SLC8A2: variants seen among roughly 807,000 people sequenced by gnomAD.
The protein encoded by SLC8A2 is sodium/calcium exchanger 2.
A neutral mutation model predicts 70.2 loss-of-function variants in SLC8A2; 14 were observed. The ratio of observed to expected loss-of-function variants is 0.20; its 90% CI spans 0.13 to 0.31. The LOEUF (loss-of-function observed/expected upper bound fraction) is 0.31, where lower values mean the gene tolerates loss of function less well. Ranked by LOEUF, SLC8A2 falls within the 10% of genes least tolerant of loss-of-function variation. The probability of loss-of-function intolerance (pLI) is 1.00; values close to 1 mark genes in which losing one functional copy is unlikely to be tolerated. For missense variants in SLC8A2, 779 were observed against 1,320.1 expected (o/e 0.59, Z 6.35); for synonymous variants, 575 against 594.3 (o/e 0.97, Z 0.47).
intron 6 of SLC8A2, 41 bp downstream of exon 6, chr19:47,441,128 T>C (rs200967347): frequency 1.3e-6 from 2 of 1,599,428 alleles, no homozygotes; most frequent in South Asian, 1.1e-5. Flanking sequence ...CCTCTTCCAG[T>C]GGCTCCTCCC....
intron 3 of SLC8A2, among the ~76,000 whole-genome samples, chr19:47,454,953 G>A (rs904198588): frequency 1.1e-4 from 16 of 152,026 alleles, no homozygotes; most frequent in African/African-American, 3.9e-4. Flanking sequence ...TGGGTGTGGT[G>A]GTGGGCACCT....
At chr19:47,459,737 A>G (rs1005606485) in intron 2 of SLC8A2, among the ~76,000 whole-genome samples, 5 of 140,246 alleles carry the variant, frequency 3.6e-5, no homozygotes, top group African/African-American at 8.1e-5. Context: ...CTGTGTGTGT[A>G]TGTGTACGTG....
chr19:47,430,362 G>A lies in SLC8A2; in HGVS notation c.2493C>T (p.Gly831=), dbSNP rs759042172. The change falls in exon 10 of 10, where the codon GGC becomes GGT. Residue 831 remains glycine (G), a synonymous_variant. Coordinates refer to ENST00000236877, the MANE Select transcript of SLC8A2 (RefSeq NM_015063.3). The surrounding 1 kb of genome is among the most constrained non-coding windows in gnomAD (Gnocchi z 5.9). ...ACACGGCGGCCACAGACCAGGCGAC[G>A]CCCAGGCCAAGGAACACGTTCACCG... ...SNAVNVFLGL[G]VAWSVAAVYW... The A allele has an allele frequency of 1.2e-5, 20 of 1,611,790 alleles. No individual in the cohort carries two copies. Among genetic ancestry groups the A allele is most frequent in the Non-Finnish European group, 1.7e-5 (20 of 1,179,418 alleles).
intron 1 of SLC8A2, among the ~76,000 whole-genome samples, chr19:47,469,705 T>C (rs1967509349): frequency 6.6e-6 from 1 of 152,232 alleles, no homozygotes; most frequent in Non-Finnish European, 1.5e-5. Context: ...CCTCTGCTCC[T>C]GGCTCCTGCC....
At chr19:47,438,415 A>G (rs965669143) in intron 6 of SLC8A2, among the ~76,000 whole-genome samples, 6 of 152,114 alleles carry the variant, frequency 3.9e-5, no homozygotes, top group Non-Finnish European at 5.9e-5. Flanking sequence ...CATTATCATC[A>G]TCGTTGCCAC....
intron 4 of SLC8A2, among the ~76,000 whole-genome samples, chr19:47,444,370 G>A (rs1408839349): frequency 1.3e-5 from 2 of 152,190 alleles, no homozygotes; most frequent in African/African-American, 4.8e-5. Context: ...AAGGACAGGC[G>A]CACACAAGAC....
At chr19:47,435,898 C>T (rs1967023013) in intron 8 of SLC8A2, among the ~76,000 whole-genome samples, 1 of 152,148 alleles carries the variant, frequency 6.6e-6, no homozygotes, top group Non-Finnish European at 1.5e-5. Flanking sequence ...ACTTTCCTCC[C>T]ACAAGCTCTC....
chr19:47,437,617 C>T (rs1397350344), intron 7 of SLC8A2, 56 bp from the exon 8 acceptor site: 1 of 1,411,080 alleles, frequency 7.1e-7, no homozygotes, highest in Non-Finnish European at 1.0e-6. Context: ...CAGGGAAGCT[C>T]CATGTTGGGT....
chr19:47,428,585 G>A lies in SLC8A2; in HGVS notation c.*1504C>T, dbSNP rs1966906623. On this transcript the variant is annotated 3_prime_UTR_variant, in exon 10 of 10. Transcript: ENST00000236877. ...GGGCCGCAAAAACCCAGATTACTTG[G>A]TTTAACAGTTGCCCAAATCTCAGTC... is the stretch of plus-strand genomic sequence containing the variant. 6.6e-6 allele frequency: 1 copy of A among 152,576 alleles called. No homozygotes were observed. The highest frequency in any genetic ancestry group is 6.6e-5 in the Admixed American group (1 of 15,250). 9.5% of individuals were successfully genotyped at this position (152,576 alleles called of 1,614,324 possible). A position where few individuals can be genotyped will look rare whatever the true frequency, so the allele number is the denominator to read the frequency against.
At position 47,447,454 on chromosome 19, in the gene SLC8A2, G is replaced by T. The variant is rs555066776; in HGVS notation, c.1763+355C>A. On this transcript the variant is annotated intron_variant, in intron 4 of 9. Coordinates refer to ENST00000236877, the MANE Select transcript of SLC8A2 (RefSeq NM_015063.3). This position sits in a 1 kb window ranked among gnomAD's most constrained non-coding sequence, Gnocchi z 5.1. ...CTCACCTGTCCGGCCACCCTTCTAGGCCTCGCCTCTTCATTTCACAGTCAC... is the reference window on the plus strand; with the variant it reads ...CTCACCTGTCCGGCCACCCTTCTAGTCCTCGCCTCTTCATTTCACAGTCAC... The T allele has an allele frequency of 4.5e-5, 15 of 330,742 alleles. No homozygotes were observed. The highest frequency in any genetic ancestry group is 2.5e-4 in the African/African-American group (11 of 44,852). 20.5% of individuals were successfully genotyped at this position (330,742 alleles called of 1,614,324 possible). A position where few individuals can be genotyped will look rare whatever the true frequency, so the allele number is the denominator to read the frequency against.
In SLC8A2 at chr19:47,468,729, C is replaced by G. The variant is rs1967494365; in HGVS notation, c.-16-2310G>C. Among the ~76,000 whole-genome samples the G allele has an allele frequency of 6.6e-6, 1 of 152,112 alleles. No homozygotes were observed. The highest frequency in any genetic ancestry group is 2.1e-4 in the South Asian group (1 of 4,822). On this transcript the variant is annotated intron_variant, in intron 1 of 9. Coordinates refer to ENST00000236877, the MANE Select transcript of SLC8A2 (RefSeq NM_015063.3). The surrounding 1 kb of genome is among the most constrained non-coding windows in gnomAD (Gnocchi z 5.1). ...CCCTCCATTCCACAGGTGAGAGGAC[C>G]AAGGCGCAGAGAGGTTACGGAACTT...
chr19:47,433,841 G>A (rs1468363118), intron 8 of SLC8A2, among the ~76,000 whole-genome samples: 4 of 151,990 alleles, frequency 2.6e-5, no homozygotes, highest in Non-Finnish European at 4.4e-5. Flanking sequence ...ATGGGATTTC[G>A]CCATGTTGGC....
intron 1 of SLC8A2, among the ~76,000 whole-genome samples, chr19:47,469,389 AAACC>A (rs1967504836): frequency 6.6e-6 from 1 of 152,086 alleles, no homozygotes; most frequent in Admixed American, 6.6e-5. Flanking sequence ...CTAAAGCATC[AAACC>A]AAACCCCGCT....
chr19:47,445,339 C>A (rs1967147808), intron 4 of SLC8A2, among the ~76,000 whole-genome samples: 1 of 152,134 alleles, frequency 6.6e-6, no homozygotes, highest in African/African-American at 2.4e-5. Context: ...GAACTCCTGA[C>A]CTCAGATGAT....
At chr19:47,431,418 A>G (rs1245716271) in intron 9 of SLC8A2, among the ~76,000 whole-genome samples, 5 of 147,050 alleles carry the variant, frequency 3.4e-5, no homozygotes, top group African/African-American at 9.9e-5. Context: ...TGGGAGGCAG[A>G]GGTGGGCGGA....
intron 8 of SLC8A2, among the ~76,000 whole-genome samples, chr19:47,433,150 T>C (rs1966985307): frequency 6.6e-6 from 1 of 152,172 alleles, no homozygotes; most frequent in African/African-American, 2.4e-5. Context: ...GGGACAGCCA[T>C]ACCCCTAGCT....
chr19:47,450,862 C>G (rs114055164), intron 3 of SLC8A2, among the ~76,000 whole-genome samples: 1 of 152,050 alleles, frequency 6.6e-6, no homozygotes, highest in African/African-American at 2.4e-5. Context: ...TGAATTGATA[C>G]AGGGGAAGCA....
rs1967400345 is a variant in SLC8A2 at position 47,461,940 on chromosome 19, A to G, written c.675+3789T>C. ...TGGAGCAGGCACACCCCTGAGACAG[A>G]GTATTGGAAATCTGGGGGTATTTAT... On this transcript the variant is annotated intron_variant, in intron 2 of 9. Transcript: ENST00000236877. Among the ~76,000 whole-genome samples, 3 of 152,192 alleles carry G rather than the reference A, an allele frequency of 2.0e-5. No homozygotes were observed. In the South Asian group the frequency reaches 6.2e-4, roughly 31 times the overall value.
intron 2 of SLC8A2, among the ~76,000 whole-genome samples, chr19:47,461,846 T>C (rs1967399253): frequency 6.6e-6 from 1 of 152,194 alleles, no homozygotes; most frequent in African/African-American, 2.4e-5. Context: ...CGATTCACAA[T>C]GTCTTTCTAG....
Sources: allele counts gnomAD v4.1 joint callset (sites outside exome capture counted in the v4.1 genomes callset), GRCh38; gene constraint gnomAD v4.1.1; non-coding constraint Gnocchi (gnomAD v3.1); transcripts MANE v1.5; gene names NCBI Gene and HGNC (gene_info 2026-07-23, HGNC 2026-07-21).